GALNT2: variants seen among roughly 807,000 people sequenced by gnomAD.
GALNT2 encodes polypeptide N-acetylgalactosaminyltransferase 2.
Under a neutral mutation model 81.4 loss-of-function variants are expected in GALNT2, and 31 were observed. The observed-to-expected ratio is 0.38, with a 90% CI of 0.29 to 0.51. The LOEUF is 0.51. GALNT2 is among the 20% of genes least tolerant of loss of function. GALNT2 has a pLI of 0.87. For synonymous variants in GALNT2, 303 were observed against 287.4 expected (o/e 1.05, Z -0.55); for missense variants, 629 against 765.7 (o/e 0.82, Z 2.11).
rs1666406324 is a variant in GALNT2, at chr1:230,280,446, A to C, written c.*988A>C. 5.3e-6 allele frequency: 1 copy of C among 189,964 alleles called. No homozygotes were observed. The highest frequency in any genetic ancestry group is 1.1e-4 in the South Asian group (1 of 8,866). The allele number at this position is 189,964 out of a possible 1,614,324, so 11.8% of individuals were successfully genotyped here. ...TACATTAAATTTCTTTTCTCTAAGG[A>C]ATATAAGACATACCCCATAGCTCTG... On this transcript the variant is annotated 3_prime_UTR_variant, in exon 16 of 16. Coordinates refer to ENST00000366672, the MANE Select transcript of GALNT2 (RefSeq NM_004481.5).
At chr1:230,083,604 A>C (rs1659813796) in intron 1 of GALNT2, among the ~76,000 whole-genome samples, 1 of 152,214 alleles carries the variant, frequency 6.6e-6, no homozygotes, top group African/African-American at 2.4e-5. Context: ...TGATGCTTGC[A>C]TTATGTTAAA....
intron 3 of GALNT2, among the ~76,000 whole-genome samples, chr1:230,211,927 G>C (rs997069734): frequency 2.0e-5 from 3 of 152,126 alleles, no homozygotes; most frequent in Admixed American, 2.0e-4. Flanking sequence ...AGTCAGGTTC[G>C]GCAGGATGTG....
intron 3 of GALNT2, among the ~76,000 whole-genome samples, chr1:230,221,825 G>T (rs1402238996): frequency 6.6e-6 from 1 of 151,890 alleles, no homozygotes; most frequent in African/African-American, 2.4e-5. Context: ...TATCTTCCCA[G>T]AAGAATAAAT....
At position 230,203,205 on chromosome 1, in the gene GALNT2, G is replaced by A; in HGVS notation, c.289G>A (p.Asp97Asn). The change falls in exon 3 of 16, where the codon GAC becomes AAC. Residue 97 changes from aspartate to asparagine, a missense_variant. Transcript: ENST00000366672. ...VGGTMVRSGQ[D>N]PYARNKFNQV... ...AGGGACGATGGTCCGCTCCGGGCAG[G>A]ACCCTTACGCCCGCAACAAGTTCAA... 6.2e-7 allele frequency: 1 copy of A among 1,614,168 alleles called. No individual in the cohort carries two copies.
At position 230,280,070 on chromosome 1, in the gene GALNT2, T is replaced by C. The variant is rs1421607512; in HGVS notation, c.*612T>C. 2.2e-6 allele frequency: 1 copy of C among 451,768 alleles called. No homozygotes were observed. The highest frequency in any genetic ancestry group is 2.0e-5 in the African/African-American group (1 of 49,896). 28.0% of individuals were successfully genotyped at this position (451,768 alleles called of 1,614,324 possible). ...GTGGGACACTAAATATAAAGCTATA[T>C]AGAGAAAGAATGTACGGTCAGTTCC... On this transcript the variant is annotated 3_prime_UTR_variant, in exon 16 of 16. Transcript: ENST00000366672.
intron 1 of GALNT2, among the ~76,000 whole-genome samples, chr1:230,081,874 C>A (rs540006385): frequency 1.3e-5 from 2 of 152,224 alleles, no homozygotes; most frequent in Non-Finnish European, 2.9e-5. Context: ...GCTGTTACTA[C>A]GGAGTAGCTG....
chr1:230,270,574 G>T (rs117665910), intron 14 of GALNT2, among the ~76,000 whole-genome samples: 12 of 152,324 alleles, frequency 7.9e-5, no homozygotes, highest in African/African-American at 2.9e-4. Context: ...TAGACAGTAC[G>T]GCTCAGATAT....
chr1:230,126,540 C>T (rs926458031), intron 1 of GALNT2, among the ~76,000 whole-genome samples: 4 of 152,218 alleles, frequency 2.6e-5, no homozygotes, highest in Non-Finnish European at 2.9e-5. Context: ...GAGAGGCCCC[C>T]GCCTCCATCC....
chr1:230,175,591 T>A (rs1271263844), intron 1 of GALNT2, among the ~76,000 whole-genome samples: 1 of 64,850 alleles, frequency 1.5e-5, no homozygotes, highest in East Asian at 6.8e-4. Context: ...CCCCTCCTCG[T>A]CCCCTCCTCG....
At chr1:230,164,210 AT>A (rs1176846004) in intron 1 of GALNT2, among the ~76,000 whole-genome samples, 1 of 152,074 alleles carries the variant, frequency 6.6e-6, no homozygotes, top group Non-Finnish European at 1.5e-5. Context: ...TGTTGCTGTT[AT>A]TTCCATGTTC....
rs561317975 is a variant in GALNT2, at chr1:230,204,245, C to T, written c.374+955C>T. 3.9e-5 allele frequency among the ~76,000 whole-genome samples: 6 copies of T among 151,962 alleles called. No individual in the cohort carries two copies. The South Asian group carries it at 1.2e-3, about 32-fold the overall frequency. ...TGATGTGATCTTGGCTCACTGCAAC[C>T]TCTACTCCTCTACTTCCCAGGTTCA... On this transcript the variant is annotated intron_variant, in intron 3 of 15. Transcript: ENST00000366672.
At chr1:230,145,759 C>T (rs1212528634) in intron 1 of GALNT2, among the ~76,000 whole-genome samples, 1 of 152,228 alleles carries the variant, frequency 6.6e-6, no homozygotes, top group African/African-American at 2.4e-5. Context: ...CGTCACCTGT[C>T]TTCTTGGTGG....
At chr1:230,259,571 A>G (rs1204128093) in intron 11 of GALNT2, 4 of 152,192 alleles carry the variant, frequency 2.6e-5, no homozygotes, top group East Asian at 1.9e-4. Flanking sequence ...ATCTCCCCCA[A>G]AATTCAGAGG....
intron 1 of GALNT2, among the ~76,000 whole-genome samples, chr1:230,126,144 GT>G (rs1342746895): frequency 1.3e-5 from 2 of 152,244 alleles, no homozygotes; most frequent in African/African-American, 4.8e-5. Context: ...AGATGAGTGT[GT>G]GGGGGCAGGG....
At chr1:230,245,452 G>A (rs1275589728) in intron 7 of GALNT2, among the ~76,000 whole-genome samples, 1 of 150,252 alleles carries the variant, frequency 6.7e-6, no homozygotes, top group African/African-American at 2.5e-5. Flanking sequence ...CAACAAGAGT[G>A]AAACTCCGTC....
At chr1:230,075,684 GGGGGGCTGC>G (rs1558271480) in intron 1 of GALNT2, among the ~76,000 whole-genome samples, 5 of 152,202 alleles carry the variant, frequency 3.3e-5, no homozygotes, top group Non-Finnish European at 1.5e-5. Context: ...TCATTCTAGT[GGGGGGCTGC>G]GGGGAGCCAG....
chr1:230,194,285 G>C (rs1485986245), intron 2 of GALNT2, among the ~76,000 whole-genome samples: 1 of 152,200 alleles, frequency 6.6e-6, no homozygotes, highest in Non-Finnish European at 1.5e-5. Flanking sequence ...CAGTGGCCGG[G>C]TAGTGGCTAG....
intron 3 of GALNT2, among the ~76,000 whole-genome samples, chr1:230,204,582 G>A (rs1382557982): frequency 2.6e-5 from 4 of 152,212 alleles, no homozygotes; most frequent in African/African-American, 7.2e-5. Flanking sequence ...TATCAGGAAA[G>A]TGATATGCAT....
intron 12 of GALNT2, 98 bp downstream of exon 12, chr1:230,262,763 G>C: frequency 7.3e-7 from 1 of 1,364,104 alleles, no homozygotes; most frequent in Non-Finnish European, 1.0e-6. Flanking sequence ...CAGCTACCCA[G>C]GTGCCAAGGC....
Sources: gnomAD v4.1 joint callset for allele counts (sites outside exome capture counted in the v4.1 genomes callset) on GRCh38, gnomAD v4.1.1 for gene constraint, MANE v1.5 for transcripts, NCBI Gene and HGNC (gene_info 2026-07-23, HGNC 2026-07-21) for gene names.